MPPED2: variants seen among roughly 807,000 people sequenced by gnomAD.
MPPED2 encodes metallophosphoesterase domain containing 2.
MPPED2 carries 5 observed loss-of-function variants against 33.0 expected under a neutral mutation model. The observed-to-expected ratio is 0.15, with a 90% CI of 0.08 to 0.32. MPPED2 has a LOEUF of 0.32. MPPED2 is among the 10% of genes least tolerant of loss of function. MPPED2 has a pLI of 1.00. For synonymous variants in MPPED2, 136 were observed against 141.9 expected, an observed-to-expected ratio of 0.96 and a Z score of 0.29; for missense variants, 275 against 372.1, an observed-to-expected ratio of 0.74 and a Z score of 2.15.
intron 2 of MPPED2, among the ~76,000 whole-genome samples, chr11:30,570,072 G>GC (rs1303165618): frequency 6.6e-6 from 1 of 151,920 alleles, no homozygotes; most frequent in Admixed American, 6.6e-5. Flanking sequence ...TATATTCCCT[G>GC]CCTACCTGCC....
chr11:30,485,039 G>GA (rs1301215437), intron 4 of MPPED2, among the ~76,000 whole-genome samples: 2 of 152,134 alleles, frequency 1.3e-5, no homozygotes, highest in African/African-American at 4.8e-5. Context: ...ACCTTTCGGG[G>GA]AAAAAAATAA....
intron 3 of MPPED2, among the ~76,000 whole-genome samples, chr11:30,527,988 G>A (rs1187569835): frequency 6.6e-6 from 1 of 152,170 alleles, no homozygotes; most frequent in East Asian, 1.9e-4. Context: ...TTAGAGGCTG[G>A]ATACACTAAG....
At chr11:30,526,005 T>A (rs1245265765) in intron 3 of MPPED2, among the ~76,000 whole-genome samples, 1 of 152,172 alleles carries the variant, frequency 6.6e-6, no homozygotes, top group African/African-American at 2.4e-5. Context: ...GGTTCATTAT[T>A]TTCCCCCAAG....
intron 2 of MPPED2, among the ~76,000 whole-genome samples, chr11:30,570,961 G>A (rs886760656): frequency 6.6e-6 from 1 of 152,170 alleles, no homozygotes; most frequent in African/African-American, 2.4e-5. Context: ...GAGACAGTCT[G>A]TACAAAGAAA....
At chr11:30,471,289 T>C (rs541940) in intron 4 of MPPED2, among the ~76,000 whole-genome samples, 37,694 of 152,102 alleles carry the variant, frequency 0.25, 5,398 homozygotes, top group East Asian at 0.4. Context: ...TTAGTCCACA[T>C]TGCTGCTAGA....
chr11:30,420,265 C>T (rs1176393782), intron 4 of MPPED2, among the ~76,000 whole-genome samples: 1 of 152,086 alleles, frequency 6.6e-6, no homozygotes, highest in Non-Finnish European at 1.5e-5. Context: ...ACTCAACCTG[C>T]TATTGATGGC....
chr11:30,449,085 G>C (rs180878331), intron 4 of MPPED2, among the ~76,000 whole-genome samples: 43 of 152,218 alleles, frequency 2.8e-4, no homozygotes, highest in African/African-American at 1.0e-3. Flanking sequence ...TAGATTTTAA[G>C]TTTACCACAG....
intron 1 of MPPED2, 83 bp from the exon 2 acceptor site, chr11:30,580,577 T>C (rs1957122271): frequency 1.5e-6 from 2 of 1,308,664 alleles, no homozygotes; most frequent in African/African-American, 1.5e-5. Flanking sequence ...CATCTAGACA[T>C]GAAACTAGTT....
intron 2 of MPPED2, among the ~76,000 whole-genome samples, chr11:30,545,064 G>C (rs1590798540): frequency 6.6e-6 from 1 of 152,182 alleles, no homozygotes. Context: ...AGCAGAAGAA[G>C]ATTTGAAAGG....
intron 3 of MPPED2, among the ~76,000 whole-genome samples, chr11:30,499,554 C>T (rs930271453): frequency 1.3e-5 from 2 of 152,140 alleles, no homozygotes; most frequent in African/African-American, 4.8e-5. Flanking sequence ...CTTTTCCAGG[C>T]ATCTCCTCTC....
intron 4 of MPPED2, chr11:30,451,700 A>G: frequency 1.0e-6 from 1 of 968,134 alleles, no homozygotes; most frequent in Non-Finnish European, 1.2e-6. Context: ...TTTCAAAAAC[A>G]TTAGAGAAAC....
intron 4 of MPPED2, among the ~76,000 whole-genome samples, chr11:30,485,813 T>C (rs996748992): frequency 1.3e-5 from 2 of 152,210 alleles, no homozygotes; most frequent in African/African-American, 2.4e-5. Context: ...CATGGGCTTA[T>C]AGATGAACCC....
chr11:30,460,415 T>C (rs1020426110), intron 4 of MPPED2, among the ~76,000 whole-genome samples: 15 of 151,294 alleles, frequency 9.9e-5, no homozygotes, highest in African/African-American at 3.6e-4. Flanking sequence ...AGGCCAGGAG[T>C]TTCAAAACCA....
At chr11:30,500,088 G>T (rs1952487159) in intron 3 of MPPED2, among the ~76,000 whole-genome samples, 1 of 152,114 alleles carries the variant, frequency 6.6e-6, no homozygotes, top group African/African-American at 2.4e-5. Flanking sequence ...CAGCCAAATG[G>T]TTACTCAAAA....
At chr11:30,499,225 C>CCAT (rs1421673780) in intron 3 of MPPED2, among the ~76,000 whole-genome samples, 2 of 152,054 alleles carry the variant, frequency 1.3e-5, no homozygotes, top group Non-Finnish European at 2.9e-5. Flanking sequence ...TTTCACTTTC[C>CCAT]CATCACACCA....
intron 4 of MPPED2, among the ~76,000 whole-genome samples, chr11:30,471,002 A>G (rs1265617677): frequency 6.6e-6 from 1 of 152,220 alleles, no homozygotes; most frequent in Non-Finnish European, 1.5e-5. Flanking sequence ...AACGTTTCTC[A>G]CAATAGGGCT....
At chr11:30,482,423 A>C (rs1005504096) in intron 4 of MPPED2, among the ~76,000 whole-genome samples, 1 of 152,166 alleles carries the variant, frequency 6.6e-6, no homozygotes, top group African/African-American at 2.4e-5. Context: ...CTTTTACTGG[A>C]ATTGTGAAAT....
In MPPED2 at chr11:30,471,512, G is replaced by A. The variant is rs191780004; in HGVS notation, c.536+23784C>T. Among the ~76,000 whole-genome samples the A allele has an allele frequency of 5.9e-5, 9 of 152,248 alleles. No homozygotes were observed. The East Asian group carries it at 7.7e-4, about 13-fold the overall frequency. ...GCCTTAAATATCCTCTTCCAGATTC[G>A]TCTCAGTCTTCCTGAAGCTTGTCCT... On this transcript the variant is annotated intron_variant, in intron 4 of 6. Coordinates refer to ENST00000358117, the MANE Select transcript of MPPED2 (RefSeq NM_001584.3).
chr11:30,516,313 T>TATG (rs1259234996), intron 3 of MPPED2, among the ~76,000 whole-genome samples: 1 of 152,134 alleles, frequency 6.6e-6, no homozygotes, highest in African/African-American at 2.4e-5. Context: ...CAAGTCTCGT[T>TATG]ATTATTATTA....
Sources: gnomAD v4.1 joint callset for allele counts (sites outside exome capture counted in the v4.1 genomes callset) on GRCh38, gnomAD v4.1.1 for gene constraint, MANE v1.5 for transcripts, NCBI Gene and HGNC (gene_info 2026-07-23, HGNC 2026-07-21) for gene names.